GPATCH2: variants seen among roughly 807,000 people sequenced by gnomAD.
The protein encoded by GPATCH2 is G patch domain-containing protein 2.
A neutral mutation model predicts 58.0 loss-of-function variants in GPATCH2; 51 were observed. The ratio of observed to expected loss-of-function variants is 0.88; its 90% CI spans 0.70 to 1.11. The LOEUF (loss-of-function observed/expected upper bound fraction) is 1.11. Among genes scored for constraint, GPATCH2 ranks in the 50% most tolerant of loss-of-function variants. The probability of loss-of-function intolerance (pLI) is 0.00; values close to 1 mark genes in which losing one functional copy is unlikely to be tolerated. For synonymous variants in GPATCH2, 222 were observed against 218.5 expected, an observed-to-expected ratio of 1.02 and a Z score of -0.14; for missense variants, 625 against 652.2, an observed-to-expected ratio of 0.96 and a Z score of 0.45.
At chr1:217,477,555 G>A (rs569055556) in intron 8 of GPATCH2, among the ~76,000 whole-genome samples, 3 of 152,196 alleles carry the variant, frequency 2.0e-5, no homozygotes, top group Non-Finnish European at 4.4e-5. Flanking sequence ...AGACCCCTTC[G>A]GCCTTAAGGG....
chr1:217,451,242 G>T (rs1659651510), intron 8 of GPATCH2, among the ~76,000 whole-genome samples: 1 of 152,114 alleles, frequency 6.6e-6, no homozygotes, highest in African/African-American at 2.4e-5. Context: ...GATAAAATTT[G>T]TGCTTCCATG....
At chr1:217,568,470 C>T (rs1489750076) in intron 5 of GPATCH2, among the ~76,000 whole-genome samples, 2 of 151,844 alleles carry the variant, frequency 1.3e-5, no homozygotes, top group African/African-American at 2.4e-5. Context: ...CAGATAAGTA[C>T]TATGGGGGAA....
At chr1:217,490,829 C>T (rs1452913278) in intron 8 of GPATCH2, among the ~76,000 whole-genome samples, 2 of 152,090 alleles carry the variant, frequency 1.3e-5, no homozygotes, top group East Asian at 3.8e-4. Flanking sequence ...GGTGAATTAT[C>T]CCATTTTGTG....
intron 8 of GPATCH2, among the ~76,000 whole-genome samples, chr1:217,466,125 T>C (rs1660438207): frequency 6.6e-6 from 1 of 152,216 alleles, no homozygotes; most frequent in Non-Finnish European, 1.5e-5. Context: ...TCAGGAAATA[T>C]TGTTTGAATG....
rs1667270329 is a variant in GPATCH2, at chr1:217,585,000, G to A, written c.1098+25321C>T. Among the ~76,000 whole-genome samples the A allele has an allele frequency of 2.0e-5, 3 of 151,966 alleles. No homozygotes were observed. In the South Asian group the frequency reaches 6.2e-4, roughly 31 times the overall value. On this transcript the variant is annotated intron_variant, in intron 5 of 9. Transcript: ENST00000366935. ...AGGAAAATATAAACTAAAGAAAGAT[G>A]AGGGCAGATATGTTAATATAATGCA... is the stretch of plus-strand genomic sequence containing the variant.
At chr1:217,442,922 T>C (rs1215709858) in intron 9 of GPATCH2, among the ~76,000 whole-genome samples, 2 of 152,188 alleles carry the variant, frequency 1.3e-5, no homozygotes, top group Non-Finnish European at 2.9e-5. Flanking sequence ...TATTTCTTCC[T>C]TTCTGGAATT....
chr1:217,486,895 A>G (rs1199403464), intron 8 of GPATCH2, among the ~76,000 whole-genome samples: 3 of 152,192 alleles, frequency 2.0e-5, no homozygotes, highest in Non-Finnish European at 2.9e-5. Flanking sequence ...CAGCAAGGAC[A>G]TGATAATCTT....
At chr1:217,437,369 G>A (rs983443770) in intron 9 of GPATCH2, among the ~76,000 whole-genome samples, 2 of 152,176 alleles carry the variant, frequency 1.3e-5, no homozygotes, top group Non-Finnish European at 2.9e-5. Flanking sequence ...CACCTGGAAT[G>A]ACAGCGAGAC....
intron 6 of GPATCH2, among the ~76,000 whole-genome samples, chr1:217,500,350 G>A (rs953565138): frequency 6.6e-6 from 1 of 151,926 alleles, no homozygotes; most frequent in African/African-American, 2.4e-5. Context: ...TCTCACAGCT[G>A]TTGTTTTCTA....
At chr1:217,605,110 A>G (rs1479410919) in intron 5 of GPATCH2, among the ~76,000 whole-genome samples, 1 of 152,206 alleles carries the variant, frequency 6.6e-6, no homozygotes, top group Non-Finnish European at 1.5e-5. Flanking sequence ...CTAGTTTCCT[A>G]ACAAAAGTTG....
At chr1:217,450,110 G>T (rs1659590801) in intron 8 of GPATCH2, among the ~76,000 whole-genome samples, 1 of 152,124 alleles carries the variant, frequency 6.6e-6, no homozygotes, top group East Asian at 1.9e-4. Flanking sequence ...ATACAAAAAA[G>T]AAAGCATTTA....
chr1:217,506,032 G>A (rs753365952), intron 6 of GPATCH2, among the ~76,000 whole-genome samples: 36 of 152,146 alleles, frequency 2.4e-4, no homozygotes, highest in Admixed American at 2.4e-3. Flanking sequence ...TGTTGGCCAG[G>A]CTGGTCTCGA....
chr1:217,564,091 T>C (rs1445627239), intron 5 of GPATCH2, among the ~76,000 whole-genome samples: 1 of 140,048 alleles, frequency 7.1e-6, no homozygotes, highest in Non-Finnish European at 1.6e-5. Flanking sequence ...ATAAAAACGA[T>C]AATTTATTCC....
chr1:217,507,989 A>C (rs1356152056), intron 6 of GPATCH2, among the ~76,000 whole-genome samples: 2 of 152,168 alleles, frequency 1.3e-5, no homozygotes, highest in East Asian at 3.8e-4. Flanking sequence ...TACAATATAA[A>C]GTATGTCATC....
intron 6 of GPATCH2, among the ~76,000 whole-genome samples, chr1:217,510,580 T>C (rs1056571822): frequency 6.6e-6 from 1 of 151,940 alleles, no homozygotes; most frequent in Admixed American, 6.6e-5. Context: ...CAAAATTAGT[T>C]CATTGATGAG....
At chr1:217,624,282 C>G (rs1368795276) in intron 1 of GPATCH2, among the ~76,000 whole-genome samples, 1 of 152,182 alleles carries the variant, frequency 6.6e-6, no homozygotes, top group Non-Finnish European at 1.5e-5. Context: ...CTTTGGGAGG[C>G]TGAGGCGGCA....
chr1:217,438,304 C>A (rs1658945442), intron 9 of GPATCH2, among the ~76,000 whole-genome samples: 1 of 151,996 alleles, frequency 6.6e-6, no homozygotes, highest in Admixed American at 6.6e-5. Flanking sequence ...CAGAAAATTC[C>A]AAAAACCAGA....
chr1:217,458,184 C>T (rs1311105372), intron 8 of GPATCH2, among the ~76,000 whole-genome samples: 1 of 152,116 alleles, frequency 6.6e-6, no homozygotes, highest in Admixed American at 6.5e-5. Flanking sequence ...GAGCCGAGAT[C>T]GCGCCACTGC....
At chr1:217,603,633 CT>C (rs1225749890) in intron 5 of GPATCH2, among the ~76,000 whole-genome samples, 2 of 151,310 alleles carry the variant, frequency 1.3e-5, no homozygotes, top group African/African-American at 4.9e-5. Flanking sequence ...TTTATTTTTA[CT>C]TTTTTTGAGA....
Sources: gnomAD v4.1 joint callset for allele counts (sites outside exome capture counted in the v4.1 genomes callset) on GRCh38, gnomAD v4.1.1 for gene constraint, MANE v1.5 for transcripts, NCBI Gene and HGNC (gene_info 2026-07-23, HGNC 2026-07-21) for gene names.